Variants in DGKB observed in about 807,000 individuals in gnomAD.
DGKB encodes diacylglycerol kinase beta, also known as 90 kDa diacylglycerol kinase.
In DGKB, 67 loss-of-function variants were observed where a neutral mutation model predicts 114.3. The ratio of observed to expected loss-of-function variants is 0.59; its 90% CI spans 0.48 to 0.72. The LOEUF is 0.72. Ranked by LOEUF, DGKB falls within the 30% of genes least tolerant of loss-of-function variation. The probability of loss-of-function intolerance (pLI) is 0.00; values close to 1 mark genes in which losing one functional copy is unlikely to be tolerated. For synonymous variants in DGKB, 398 were observed against 323.1 expected, an observed-to-expected ratio of 1.23 and a Z score of -2.49; for missense variants, 907 against 975.2, an observed-to-expected ratio of 0.93 and a Z score of 0.93.
At chr7:14,622,670 A>G (rs1807870788) in intron 14 of DGKB, among the ~76,000 whole-genome samples, 1 of 152,120 alleles carries the variant, frequency 6.6e-6, no homozygotes, top group Non-Finnish European at 1.5e-5. Context: ...TGCTTGGATT[A>G]TTGTAACTAT....
intron 1 of DGKB, among the ~76,000 whole-genome samples, chr7:14,959,134 T>C (rs1309355773): frequency 6.6e-6 from 1 of 152,080 alleles, no homozygotes; most frequent in Non-Finnish European, 1.5e-5. Context: ...TGTCTTCTCA[T>C]TTAGGAATAT....
intron 14 of DGKB, among the ~76,000 whole-genome samples, chr7:14,629,865 C>G (rs1211293749): frequency 6.6e-6 from 1 of 151,920 alleles, no homozygotes; most frequent in Non-Finnish European, 1.5e-5. Flanking sequence ...TTTGATGGCT[C>G]AAAGAATAAA....
chr7:14,489,159 A>G (rs897513433), intron 20 of DGKB, among the ~76,000 whole-genome samples: 3 of 152,182 alleles, frequency 2.0e-5, no homozygotes, highest in African/African-American at 7.2e-5. Context: ...GTAGGGTTCC[A>G]GTGTGTTTTG....
chr7:14,925,968 G>A (rs1054380312), intron 1 of DGKB, among the ~76,000 whole-genome samples: 3 of 152,066 alleles, frequency 2.0e-5, no homozygotes, highest in Admixed American at 2.0e-4. Flanking sequence ...AGAGAGAACA[G>A]AAATCCTTGC....
At chr7:14,856,655 T>C (rs1054920816) in intron 1 of DGKB, among the ~76,000 whole-genome samples, 1 of 151,718 alleles carries the variant, frequency 6.6e-6, no homozygotes, top group Admixed American at 6.6e-5. Flanking sequence ...AAAGTATTCA[T>C]TGTGTGTGTG....
chr7:14,567,594 G>GAT (rs577240186), intron 20 of DGKB, among the ~76,000 whole-genome samples: 19,575 of 98,218 alleles, frequency 0.2, 2,198 homozygotes, highest in East Asian at 0.34. Context: ...TATAAATAAA[G>GAT]ATATATATAT....
rs143902199 is a variant in DGKB at position 14,462,459 on chromosome 7, T to C, written c.1835+15702A>G. 3.8e-3 allele frequency among the ~76,000 whole-genome samples: 584 copies of C among 152,056 alleles called. 4 individuals carry two copies. The highest frequency in any genetic ancestry group is 0.014 in the African/African-American group (568 of 41,478). On this transcript the variant is annotated intron_variant, in intron 21 of 25. Transcript: ENST00000402815. ...AATCACAAGCATTCCTATACACCAA[T>C]AATAGACCAAGAGCCAAGTCATGAG...
chr7:14,645,306 C>T (rs1404619), intron 13 of DGKB, among the ~76,000 whole-genome samples: 17,967 of 151,978 alleles, frequency 0.12, 1,726 homozygotes, highest in East Asian at 0.48. Context: ...TGGTCACGGA[C>T]AAGAAACTGG....
intron 23 of DGKB, among the ~76,000 whole-genome samples, chr7:14,328,007 CAT>C (rs975330677): frequency 6.6e-6 from 1 of 152,056 alleles, no homozygotes; most frequent in Admixed American, 6.6e-5. Flanking sequence ...TTTTTGTGCA[CAT>C]GACTTTTTAA....
At chr7:14,166,143 G>A (rs989878226) in intron 25 of DGKB, among the ~76,000 whole-genome samples, 2 of 152,200 alleles carry the variant, frequency 1.3e-5, no homozygotes, top group African/African-American at 4.8e-5. Flanking sequence ...AAATGTGTTC[G>A]CCTACAATGT....
chr7:14,816,425 C>T (rs779446522), intron 2 of DGKB: 22 of 152,180 alleles, frequency 1.4e-4, no homozygotes, highest in Non-Finnish European at 2.4e-4. Flanking sequence ...TTTTTCTCAA[C>T]TCTTCTCCAT....
chr7:14,863,758 G>A lies in DGKB; in HGVS notation c.-187-22308C>T, dbSNP rs560573714. ...CACATCAACTTTTCATGTTTTTTGTGGTAAGAATGATTCTGGGGCAGTATA... is the reference window on the plus strand; with the variant it reads ...CACATCAACTTTTCATGTTTTTTGTAGTAAGAATGATTCTGGGGCAGTATA... On this transcript the variant is annotated intron_variant, in intron 1 of 25. Transcript: ENST00000402815. Among the ~76,000 whole-genome samples the A allele has an allele frequency of 2.4e-4, 37 of 151,878 alleles. 1 individual carries two copies. The South Asian group carries it at 7.5e-3, about 31-fold the overall frequency.
At chr7:14,454,861 T>TAA (rs1239927334) in intron 21 of DGKB, among the ~76,000 whole-genome samples, 1 of 152,076 alleles carries the variant, frequency 6.6e-6, no homozygotes, top group Non-Finnish European at 1.5e-5. Flanking sequence ...TTCAATTTAA[T>TAA]TTAATAGTAT....
At chr7:14,958,098 C>T (rs531823784) in intron 1 of DGKB, among the ~76,000 whole-genome samples, 1 of 151,976 alleles carries the variant, frequency 6.6e-6, no homozygotes, top group South Asian at 2.1e-4. Flanking sequence ...CTAGATTGTT[C>T]TTATTCAAAC....
chr7:14,177,906 A>G (rs968511405), intron 24 of DGKB, 125 bp downstream of exon 24: 35 of 935,168 alleles, frequency 3.7e-5, no homozygotes, highest in Non-Finnish European at 4.1e-5. Flanking sequence ...GAAATATATT[A>G]GTATTAATAA....
In DGKB at chr7:14,729,373, T is replaced by C. The variant is rs192437635; in HGVS notation, c.322+6668A>G. On this transcript the variant is annotated intron_variant, in intron 5 of 25. Coordinates refer to ENST00000402815, the MANE Select transcript of DGKB (RefSeq NM_001350709.2). ...TCCTGACCTTGTGATTCGCCCACCT[T>C]GGCCTCCCAAAGTGCTGGGATTACA... is the stretch of plus-strand genomic sequence containing the variant. 2.3e-3 allele frequency among the ~76,000 whole-genome samples: 346 copies of C among 151,920 alleles called. 1 individual carries two copies. Among genetic ancestry groups the C allele is most frequent in the South Asian group, 0.012 (58 of 4,800 alleles).
chr7:14,593,861 A>G (rs74864984), intron 17 of DGKB, among the ~76,000 whole-genome samples: 4,327 of 151,830 alleles, frequency 0.028, 210 homozygotes, highest in African/African-American at 0.099. Context: ...GCAGCATCCA[A>G]TCAGAAGGGG....
intron 23 of DGKB, among the ~76,000 whole-genome samples, chr7:14,223,325 C>A (rs906168747): frequency 6.6e-6 from 1 of 151,708 alleles, no homozygotes; most frequent in African/African-American, 2.4e-5. Context: ...GGCTTACCAT[C>A]TACATCTTAT....
At chr7:14,916,702 C>A (rs1202137530) in intron 1 of DGKB, among the ~76,000 whole-genome samples, 4 of 151,990 alleles carry the variant, frequency 2.6e-5, no homozygotes, top group Non-Finnish European at 1.5e-5. Flanking sequence ...TTGGAAAGTT[C>A]AACACCTCTA....
Sources: gnomAD v4.1 joint callset for allele counts (sites outside exome capture counted in the v4.1 genomes callset) on GRCh38, gnomAD v4.1.1 for gene constraint, MANE v1.5 for transcripts, NCBI Gene and HGNC (gene_info 2026-07-23, HGNC 2026-07-21) for gene names.